Variants in TRAF7 observed in about 807,000 individuals in gnomAD.
The protein encoded by TRAF7 is TNF receptor associated factor 7.
A neutral mutation model predicts 89.3 loss-of-function variants in TRAF7; 45 were observed. The ratio of observed to expected loss-of-function variants is 0.50; its 90% confidence interval spans 0.40 to 0.65. The LOEUF is 0.65. TRAF7 is among the 30% of genes least tolerant of loss of function. The pLI, the probability that TRAF7 is intolerant of heterozygous loss-of-function variation, is 0.00. For missense variants in TRAF7, 677 were observed against 918.1 expected (o/e 0.74, Z 3.39); for synonymous variants, 406 against 369.2 (o/e 1.10, Z -1.14).
intron 2 of TRAF7, among the ~76,000 whole-genome samples, chr16:2,164,450 C>T (rs1412405922): frequency 2.2e-5 from 3 of 138,558 alleles, no homozygotes; most frequent in Non-Finnish European, 4.6e-5. Context: ...CATGGTTAAG[C>T]GTGTTAGTGC....
At chr16:2,174,178 C>G (rs1438596496) in intron 13 of TRAF7, 73 bp from the exon 14 acceptor site, 6 of 1,595,878 alleles carry the variant, frequency 3.8e-6, no homozygotes, top group Non-Finnish European at 5.1e-6. Flanking sequence ...GGCTCCCTCA[C>G]TCATTCCTGT....
rs1319028832 is a variant in TRAF7 at position 2,176,977 on chromosome 16, T to C, written c.*403T>C. 4 of 405,506 alleles carry C rather than the reference T, an allele frequency of 9.9e-6. No homozygotes were observed. The highest frequency in any genetic ancestry group is 1.9e-5 in the Non-Finnish European group (4 of 215,806). The allele number at this position is 405,506 out of a possible 1,614,324, so 25.1% of individuals were successfully genotyped here. A position where few individuals can be genotyped will look rare whatever the true frequency, so the allele number is the denominator to read the frequency against. ...ACAGCTCCTCGGGACAAGGGGGCTG[T>C]GTGTGGCCTTGAGGTTGGTGTGCAC... On this transcript the variant is annotated 3_prime_UTR_variant, in exon 21 of 21. Coordinates refer to ENST00000326181, the MANE Select transcript of TRAF7 (RefSeq NM_032271.3).
At position 2,176,548 on chromosome 16, in the gene TRAF7, C is replaced by T; in HGVS notation, c.1999-12C>T. ...CGCAGGACATCCTGGTGAAGCAGCC[C>T]TTTCTCTGCAGGTTTGGACTTGCTA... On this transcript the variant is annotated splice_polypyrimidine_tract_variant and intron_variant, in intron 20 of 20. Transcript: ENST00000326181. The T allele has an allele frequency of 6.2e-7, 1 of 1,613,410 alleles. No individual in the cohort carries two copies. The highest frequency in any genetic ancestry group is 8.5e-7 in the Non-Finnish European group (1 of 1,180,012).
intron 16 of TRAF7, 33 bp from the exon 17 acceptor site, chr16:2,175,467 C>G (rs749729200): frequency 6.2e-7 from 1 of 1,612,316 alleles, no homozygotes; most frequent in Non-Finnish European, 8.5e-7. Flanking sequence ...CGTCCCTTGC[C>G]CGCCCAGCCC....
In TRAF7 at chr16:2,173,235, G is replaced by A. The variant is rs761205415; in HGVS notation, c.848G>A (p.Arg283His). Residue 283 changes from arginine (R) to histidine (H), a missense_variant, in exon 10 of 21, where the codon CGC (arginine) becomes CAC (histidine). Coordinates refer to ENST00000326181, the MANE Select transcript of TRAF7 (RefSeq NM_032271.3). ...DTYETHLETC[R>H]FEGLKEFLQQ... ...TACGAGACCCACCTGGAGACTTGCC[G>A]CTTCGAGGGCCTGAAGGAGTTTCTG... The A allele has an allele frequency of 1.5e-5, 24 of 1,612,756 alleles. No homozygotes were observed. The highest frequency in any genetic ancestry group is 1.6e-4 in the Middle Eastern group (1 of 6,062).
In TRAF7 at chr16:2,170,615, C is replaced by T. The variant is rs774445684; in HGVS notation, c.233C>T (p.Pro78Leu). 3.7e-6 allele frequency: 6 copies of T among 1,608,934 alleles called. No homozygotes were observed. The East Asian group carries it at 1.1e-4, about 30-fold the overall frequency. The change falls in exon 5 of 21, where the codon CCC (proline) becomes CTC (leucine). Residue 78 changes from proline (P) to leucine (L), a missense_variant and splice_region_variant. Around this residue, in one of 6 missense-constraint regions of TRAF7, gnomAD observed 240 missense variants for 191.9 expected, o/e 1.25. Coordinates refer to ENST00000326181, the MANE Select transcript of TRAF7 (RefSeq NM_032271.3). ...ACAGGCGCCTCTCCCTCCACACAGC[C>T]CCCCATCAGCACTCCCCGCCGCTCC... Reference protein sequence around the residue: ...YSPRDEEDSMPPISTPRRSDS... With the variant: ...YSPRDEEDSMLPISTPRRSDS...
chr16:2,156,823 C>G (rs1203750762), intron 1 of TRAF7, among the ~76,000 whole-genome samples: 2 of 152,130 alleles, frequency 1.3e-5, no homozygotes, highest in Admixed American at 1.3e-4. Flanking sequence ...AAAGAGCTTT[C>G]TAACTGTGTG....
At position 2,163,819 on chromosome 16, in the gene TRAF7, C is replaced by G. The variant is rs575451989; in HGVS notation, c.-38-64C>G. ...CAGCAGGTCTGCACACTTGCAGCAG[C>G]CCGTCTGACTCACAGGGGCCTGGGC... On this transcript the variant is annotated intron_variant, in intron 1 of 20. Coordinates refer to ENST00000326181, the MANE Select transcript of TRAF7 (RefSeq NM_032271.3). This position sits in a 1 kb window ranked among gnomAD's most constrained non-coding sequence, Gnocchi z 4.3. 6 of 1,083,102 alleles carry G rather than the reference C, an allele frequency of 5.5e-6. No homozygotes were observed. The South Asian group carries it at 8.0e-5, about 14-fold the overall frequency. The allele number at this position is 1,083,102 out of a possible 1,614,324, so 67.1% of individuals were successfully genotyped here. A position where few individuals can be genotyped will look rare whatever the true frequency, so the allele number is the denominator to read the frequency against.
intron 2 of TRAF7, 81 bp downstream of exon 2, chr16:2,164,082 C>T (rs2093068260): frequency 7.4e-7 from 1 of 1,346,522 alleles, no homozygotes; most frequent in South Asian, 1.4e-5. Flanking sequence ...CTGCAGAGCT[C>T]CCAGCGCAGT....
chr16:2,163,081 C>T lies in TRAF7; in HGVS notation c.-38-802C>T, dbSNP rs1293578209. Among the ~76,000 whole-genome samples, 2 of 152,190 alleles carry T rather than the reference C, an allele frequency of 1.3e-5. No homozygotes were observed. Among genetic ancestry groups the T allele is most frequent in the East Asian group, 3.8e-4 (2 of 5,198 alleles). The stretch of plus-strand genomic sequence containing the variant: ...TCTCTCTAATGTTTACCTTCCCCTA[C>T]TGGTGTCCCTGGGCCTGGCCAGCAC... On this transcript the variant is annotated intron_variant, in intron 1 of 20. Coordinates refer to ENST00000326181, the MANE Select transcript of TRAF7 (RefSeq NM_032271.3). The surrounding 1 kb of genome is among the most constrained non-coding windows in gnomAD (Gnocchi z 4.3).
rs201132936 is a variant in TRAF7 at position 2,165,900 on chromosome 16, G to A, written c.103G>A (p.Gly35Arg). 5.6e-5 allele frequency: 91 copies of A among 1,613,974 alleles called. No individual in the cohort carries two copies. Among genetic ancestry groups the A allele is most frequent in the Non-Finnish European group, 6.2e-5 (73 of 1,179,982 alleles). Residue 35 changes from glycine to arginine, a missense_variant, in exon 3 of 21, where the codon GGA (glycine) becomes AGA (arginine). Gly to Arg is a moderately radical substitution (Grantham distance 125). This residue lies in a region of TRAF7 where 240 missense variants were observed against 191.9 expected (regional missense o/e 1.25). Transcript: ENST00000326181. ...TTGTRMETTF[G>R]PAFSAVTTIT... Reference sequence around the variant, plus strand: ...CTAGACCAGAATGGAAACGACCTTCGGACCCGCCTTTTCAGCCGTCACCAC... The same window carrying A: ...CTAGACCAGAATGGAAACGACCTTCAGACCCGCCTTTTCAGCCGTCACCAC...
At position 2,159,787 on chromosome 16, in the gene TRAF7, AC is replaced by A. The variant is rs1380257572; in HGVS notation, c.-39+3933del. Among the ~76,000 whole-genome samples, 2 of 152,052 alleles carry A rather than the reference AC, an allele frequency of 1.3e-5. No homozygotes were observed. Among genetic ancestry groups the A allele is most frequent in the East Asian group, 3.9e-4 (2 of 5,166 alleles). ...CCACACATGTTCAGGGGACCCCCAC[AC>A]CCCACCTGCTCCGGGTTGCTGGAGG... On this transcript the variant is annotated intron_variant, in intron 1 of 20. Coordinates refer to ENST00000326181, the MANE Select transcript of TRAF7 (RefSeq NM_032271.3). The surrounding 1 kb of genome is among the most constrained non-coding windows in gnomAD (Gnocchi z 6.5).
rs189074648 is a variant in TRAF7, at chr16:2,176,162, C to T, written c.1860C>T (p.Ser620=). 5.0e-6 allele frequency: 8 copies of T among 1,607,930 alleles called. No individual in the cohort carries two copies. Among genetic ancestry groups the T allele is most frequent in the Middle Eastern group, 3.3e-4 (2 of 6,058 alleles). The part of the protein sequence containing the change: ...TPDQTKVFSA[S]YDRSLRVWSM... Reference sequence around the variant, plus strand: ...ACCAGACCAAAGTCTTCAGTGCATCCTACGACCGGTCCCTCAGGGTGCGTG... The same window carrying T: ...ACCAGACCAAAGTCTTCAGTGCATCTTACGACCGGTCCCTCAGGGTGCGTG... The change falls in exon 19 of 21, where the codon TCC becomes TCT. Residue 620 remains serine, a synonymous_variant. Transcript: ENST00000326181.
intron 1 of TRAF7, 118 bp downstream of exon 1, chr16:2,155,976 G>T (rs1203105901): frequency 2.0e-5 from 3 of 150,092 alleles, no homozygotes; most frequent in Non-Finnish European, 4.5e-5. Flanking sequence ...TCGGGCCGGG[G>T]CGGGGAGGGG....
In TRAF7 at chr16:2,174,027, C is replaced by T. The variant is rs1166857599; in HGVS notation, c.1242C>T (p.Gly414=). The change falls in exon 13 of 21, where the codon GGC becomes GGT. Residue 414 remains glycine (G), a synonymous_variant. Coordinates refer to ENST00000326181, the MANE Select transcript of TRAF7 (RefSeq NM_032271.3). ...CCATGGGTGACCTGCTCTTCAGTGG[C>T]TCCTCTGACAAGACCATCAAGGTGG... is the stretch of plus-strand genomic sequence containing the variant. ...VYSMGDLLFS[G]SSDKTIKVWD... 6.2e-7 allele frequency: 1 copy of T among 1,613,524 alleles called. No individual in the cohort carries two copies. The highest frequency in any genetic ancestry group is 8.5e-7 in the Non-Finnish European group (1 of 1,180,016).
At position 2,168,770 on chromosome 16, in the gene TRAF7, C is replaced by T. The variant is rs2093096892; in HGVS notation, c.231+602C>T. On this transcript the variant is annotated intron_variant, in intron 4 of 20. Coordinates refer to ENST00000326181, the MANE Select transcript of TRAF7 (RefSeq NM_032271.3). This position sits in a 1 kb window ranked among gnomAD's most constrained non-coding sequence, Gnocchi z 4.1. ...TACCTGAGCCCTGTGGCCAGGGTCT[C>T]AGTGGCCGTTCCCTGCCATCCTGGT... is the stretch of plus-strand genomic sequence containing the variant. Among the ~76,000 whole-genome samples the T allele has an allele frequency of 6.6e-6, 1 of 152,108 alleles. No homozygotes were observed.
intron 1 of TRAF7, among the ~76,000 whole-genome samples, chr16:2,160,735 G>A (rs1342557843): frequency 1.3e-5 from 2 of 152,110 alleles, no homozygotes; most frequent in Non-Finnish European, 2.9e-5. Flanking sequence ...ACTGGGAACT[G>A]GAGGGCAGAG....
intron 13 of TRAF7, 50 bp downstream of exon 13, chr16:2,174,098 G>T (rs2093125377): frequency 6.2e-7 from 1 of 1,607,802 alleles, no homozygotes; most frequent in African/African-American, 1.3e-5. Context: ...GCTGGGCACT[G>T]CCACATGCCT....
chr16:2,178,092 CAGCT>C lies in TRAF7; in HGVS notation c.*1519_*1522del. ...TTTGTTTCTCTGGGGAAATCCGCCT[CAGCT>C]CATTCCCAATAAATTAATACTCTTG... is the stretch of plus-strand genomic sequence containing the variant. On this transcript the variant is annotated 3_prime_UTR_variant, in exon 21 of 21. Transcript: ENST00000326181. 1 of 500,396 alleles carries C rather than the reference CAGCT, an allele frequency of 2.0e-6. No individual in the cohort carries two copies. The highest frequency in any genetic ancestry group is 3.9e-6 in the Non-Finnish European group (1 of 259,252). 31.0% of individuals were successfully genotyped at this position (500,396 alleles called of 1,614,324 possible).
Sources: allele counts gnomAD v4.1 joint callset (sites outside exome capture counted in the v4.1 genomes callset), GRCh38; gene constraint gnomAD v4.1.1; regional missense constraint gnomAD v4.1.1; non-coding constraint Gnocchi (gnomAD v3.1); transcripts MANE v1.5; gene names NCBI Gene and HGNC (gene_info 2026-07-23, HGNC 2026-07-21).